The following ABCG2 variants were observed in gnomAD, a reference collection of about 807,000 sequenced individuals.
ABCG2 encodes the protein broad substrate specificity ATP-binding cassette transporter ABCG2.
In ABCG2, 80 loss-of-function variants were observed where a neutral mutation model predicts 73.5. The ratio of observed to expected loss-of-function variants is 1.09; its 90% CI spans 0.91 to 1.31. The LOEUF is 1.31. Among genes scored for constraint, ABCG2 ranks in the 50% most tolerant of loss-of-function variants. The pLI is 0.00. For synonymous variants in ABCG2, 269 were observed against 282.4 expected (o/e 0.95, Z 0.48); for missense variants, 796 against 786.2 (o/e 1.01, Z -0.15).
intron 5 of ABCG2, among the ~76,000 whole-genome samples, chr4:88,124,927 T>C (rs900968820): frequency 1.3e-5 from 2 of 152,152 alleles, no homozygotes; most frequent in Non-Finnish European, 2.9e-5. Flanking sequence ...CCTCATCACA[T>C]GCAAAAGAAC....
chr4:88,134,662 C>T (rs1252432040), intron 2 of ABCG2, among the ~76,000 whole-genome samples: 1 of 152,144 alleles, frequency 6.6e-6, no homozygotes, highest in Non-Finnish European at 1.5e-5. Flanking sequence ...AAATAAAGAC[C>T]AAGCAATCCT....
At chr4:88,145,708 G>T (rs1725939977) in intron 1 of ABCG2, among the ~76,000 whole-genome samples, 1 of 152,160 alleles carries the variant, frequency 6.6e-6, no homozygotes, top group Non-Finnish European at 1.5e-5. Flanking sequence ...GGAAGGCTGA[G>T]GTGAGCAGAT....
intron 1 of ABCG2, among the ~76,000 whole-genome samples, chr4:88,179,067 TG>T (rs1299571210): frequency 6.6e-6 from 1 of 150,526 alleles, no homozygotes; most frequent in East Asian, 2.0e-4. Flanking sequence ...AGACAGGCAG[TG>T]GTTACCATGG....
chr4:88,153,409 A>G (rs1357981026), intron 1 of ABCG2, among the ~76,000 whole-genome samples: 3 of 152,000 alleles, frequency 2.0e-5, no homozygotes, highest in Non-Finnish European at 2.9e-5. Flanking sequence ...CGCATTCCGA[A>G]GACAGGCCCG....
At chr4:88,197,994 C>T (rs1426490160) in intron 1 of ABCG2, among the ~76,000 whole-genome samples, 1 of 148,728 alleles carries the variant, frequency 6.7e-6, no homozygotes, top group Non-Finnish European at 1.5e-5. Context: ...CGCACCACTG[C>T]ACTCCAGCCT....
chr4:88,216,096 T>A (rs575786698), intron 1 of ABCG2, among the ~76,000 whole-genome samples: 8 of 152,196 alleles, frequency 5.3e-5, no homozygotes, highest in Non-Finnish European at 1.2e-4. Flanking sequence ...GCGAGACTGT[T>A]AAACCCACTT....
At position 88,118,464 on chromosome 4, in the gene ABCG2, G is replaced by A. The variant is rs138944374; in HGVS notation, c.690-204C>T. ...AAAACAGAATAGGAATTTTCAGTGT[G>A]TTGTATTGACAATCTAGAATCAACT... On this transcript the variant is annotated intron_variant, in intron 6 of 15. Transcript: ENST00000237612. Among the ~76,000 whole-genome samples, 71 of 152,280 alleles carry A rather than the reference G, an allele frequency of 4.7e-4. No individual in the cohort carries two copies. In the East Asian group the frequency reaches 0.012, roughly 25 times the overall value.
At chr4:88,171,322 TG>T (rs1199900282) in intron 1 of ABCG2, among the ~76,000 whole-genome samples, 2 of 135,356 alleles carry the variant, frequency 1.5e-5, no homozygotes, top group African/African-American at 5.7e-5. Context: ...ATAGAATGGA[TG>T]GGGGGATGTG....
intron 1 of ABCG2, among the ~76,000 whole-genome samples, chr4:88,229,926 ATCT>A (rs1236559166): frequency 1.3e-5 from 2 of 151,798 alleles, no homozygotes; most frequent in East Asian, 3.9e-4. Flanking sequence ...ATGCCTTATA[ATCT>A]TCAATTCTGA....
At chr4:88,140,154 T>C (rs955245201) in intron 1 of ABCG2, 140 bp from the exon 2 acceptor site, 11 of 718,754 alleles carry the variant, frequency 1.5e-5, no homozygotes, top group African/African-American at 9.0e-5. Flanking sequence ...GCCCATACCA[T>C]TGTGATAAGA....
chr4:88,201,149 AC>A (rs1560753214), intron 1 of ABCG2, among the ~76,000 whole-genome samples: 1 of 151,448 alleles, frequency 6.6e-6, no homozygotes, highest in African/African-American at 2.4e-5. Flanking sequence ...TAACAAAAAA[AC>A]AAAAGCCGGT....
upstream of ABCG2, among the ~76,000 whole-genome samples, chr4:88,163,210 A>T (rs981741880): frequency 1.3e-5 from 2 of 152,244 alleles, no homozygotes; most frequent in African/African-American, 4.8e-5. Context: ...GCTCACAGCT[A>T]TCAGGGCCTT....
At chr4:88,125,609 A>C (rs1724347508) in intron 5 of ABCG2, among the ~76,000 whole-genome samples, 1 of 45,962 alleles carries the variant, frequency 2.2e-5, no homozygotes, top group African/African-American at 1.7e-4. Flanking sequence ...CTCTGTCTCA[A>C]AAAAAAAAAA....
At chr4:88,114,644 AT>A (rs1290399367) in intron 8 of ABCG2, among the ~76,000 whole-genome samples, 11 of 151,184 alleles carry the variant, frequency 7.3e-5, no homozygotes, top group Non-Finnish European at 1.3e-4. Context: ...AAAAAAAAAA[AT>A]CTGGTTGTTG....
rs147591922 is a variant in ABCG2 at position 88,091,203 on chromosome 4, T to C, written c.*1031A>G. The C allele has an allele frequency of 3.0e-4, 46 of 152,352 alleles. No homozygotes were observed. Among genetic ancestry groups the C allele is most frequent in the African/African-American group, 1.1e-3 (44 of 41,578 alleles). 9.4% of individuals were successfully genotyped at this position (152,352 alleles called of 1,614,324 possible). A position where few individuals can be genotyped will look rare whatever the true frequency, so the allele number is the denominator to read the frequency against. The stretch of plus-strand genomic sequence containing the variant: ...CTGAATTGATGGTTGCACATGTGTG[T>C]TCATTTTAATTCACTGAACTATATT... On this transcript the variant is annotated 3_prime_UTR_variant, in exon 16 of 16. Coordinates refer to ENST00000237612, the MANE Select transcript of ABCG2 (RefSeq NM_004827.3).
chr4:88,160,282 C>A (rs1271833877), upstream of ABCG2, among the ~76,000 whole-genome samples: 1 of 151,630 alleles, frequency 6.6e-6, no homozygotes, highest in Non-Finnish European at 1.5e-5. Context: ...TCAGACCTGG[C>A]CGTTAACGAC....
chr4:88,149,518 G>A (rs1196983654), intron 1 of ABCG2, among the ~76,000 whole-genome samples: 1 of 152,096 alleles, frequency 6.6e-6, no homozygotes, highest in African/African-American at 2.4e-5. Flanking sequence ...ACAGAACCCT[G>A]GAGAAACTGC....
At chr4:88,228,615 G>A (rs1044778424) in intron 1 of ABCG2, among the ~76,000 whole-genome samples, 13 of 152,206 alleles carry the variant, frequency 8.5e-5, no homozygotes, top group African/African-American at 2.2e-4. Flanking sequence ...AAACAGAAGC[G>A]ATTCCTGTCT....
intron 1 of ABCG2, among the ~76,000 whole-genome samples, chr4:88,180,382 A>AT (rs1054936898): frequency 6.6e-6 from 1 of 152,212 alleles, no homozygotes. Context: ...AAACTGAGGA[A>AT]TTTTATCAAC....
Sources: gnomAD v4.1 joint callset for allele counts (sites outside exome capture counted in the v4.1 genomes callset) on GRCh38, gnomAD v4.1.1 for gene constraint, MANE v1.5 for transcripts, NCBI Gene and HGNC (gene_info 2026-07-23, HGNC 2026-07-21) for gene names.